The following THSD7B variants were observed in gnomAD, a reference collection of about 807,000 sequenced individuals.
THSD7B encodes thrombospondin type-1 domain-containing protein 7B.
Under a neutral mutation model 213.6 loss-of-function variants are expected in THSD7B, and 138 were observed. The observed-to-expected ratio is 0.65, with a 90% CI of 0.56 to 0.74. The LOEUF (loss-of-function observed/expected upper bound fraction) is 0.74. Among genes scored for constraint, THSD7B ranks in the 30% least tolerant of loss-of-function variants. The pLI, the probability that THSD7B is intolerant of heterozygous loss-of-function variation, is 0.00. For missense variants in THSD7B, 1,931 were observed against 1,991.5 expected, an observed-to-expected ratio of 0.97 and a Z score of 0.58; for synonymous variants, 742 against 687.0, an observed-to-expected ratio of 1.08 and a Z score of -1.25.
At chr2:137,287,250 AT>A (rs920192041) in intron 12 of THSD7B, among the ~76,000 whole-genome samples, 24 of 152,270 alleles carry the variant, frequency 1.6e-4, no homozygotes, top group African/African-American at 5.5e-4. Context: ...AAATATTATG[AT>A]TTTTAAGTGG....
At chr2:137,649,654 T>A (rs935758850) in intron 21 of THSD7B, among the ~76,000 whole-genome samples, 2 of 152,234 alleles carry the variant, frequency 1.3e-5, no homozygotes, top group Admixed American at 1.3e-4. Flanking sequence ...CTGAGTTTTT[T>A]ATTTTGTTTC....
intron 12 of THSD7B, among the ~76,000 whole-genome samples, chr2:137,318,127 A>T (rs775718215): frequency 1.1e-4 from 17 of 152,210 alleles, no homozygotes; most frequent in Non-Finnish European, 2.4e-4. Flanking sequence ...AGAGGGACCT[A>T]CTTTCGCACA....
chr2:136,774,968 G>A (rs531837672), intron 1 of THSD7B, among the ~76,000 whole-genome samples: 1 of 151,102 alleles, frequency 6.6e-6, no homozygotes, highest in East Asian at 1.9e-4. Flanking sequence ...AGTATTTATT[G>A]TGCACCTGCT....
At chr2:137,135,754 C>T (rs1679442473) in intron 5 of THSD7B, among the ~76,000 whole-genome samples, 1 of 152,016 alleles carries the variant, frequency 6.6e-6, no homozygotes, top group African/African-American at 2.4e-5. Flanking sequence ...AACATAGTCT[C>T]TAAATACAGC....
chr2:137,587,554 A>C (rs1019789858), intron 17 of THSD7B, among the ~76,000 whole-genome samples: 1 of 152,202 alleles, frequency 6.6e-6, no homozygotes, highest in Non-Finnish European at 1.5e-5. Context: ...TCCTTCTAAC[A>C]TTCAGGATCC....
chr2:137,331,223 C>T (rs1166687243), intron 12 of THSD7B, among the ~76,000 whole-genome samples: 1 of 151,506 alleles, frequency 6.6e-6, no homozygotes, highest in Admixed American at 6.6e-5. Flanking sequence ...CAGAGCTAGA[C>T]ATAAAGGTAC....
chr2:137,415,150 C>A (rs1573612608), intron 14 of THSD7B, among the ~76,000 whole-genome samples: 1 of 152,148 alleles, frequency 6.6e-6, no homozygotes, highest in East Asian at 1.9e-4. Context: ...GTGCTTCCCC[C>A]TTTTAAATCT....
rs59620213 is a variant in THSD7B, at chr2:137,575,725, C to CACACAT, written c.3423+3170_3423+3171insCACATA. ...TGTTTTTTCTTATTCCCATAACACA[C>CACACAT]ATATATATATATATATATTTTTACT... On this transcript the variant is annotated intron_variant, in intron 17 of 27. Transcript: ENST00000409968. 5.4e-5 allele frequency among the ~76,000 whole-genome samples: 6 copies of CACACAT among 110,806 alleles called. 1 individual carries two copies. The highest frequency in any genetic ancestry group is 1.0e-4 in the Admixed American group (1 of 9,908). 72.7% of individuals were successfully genotyped at this position (110,806 alleles called of 152,430 possible). A position where few individuals can be genotyped will look rare whatever the true frequency, so the allele number is the denominator to read the frequency against.
chr2:137,352,810 G>A (rs948634695), intron 12 of THSD7B, among the ~76,000 whole-genome samples: 4 of 152,054 alleles, frequency 2.6e-5, no homozygotes, highest in African/African-American at 9.6e-5. Flanking sequence ...GGAGAAAAAT[G>A]TATTGAGAAA....
intron 1 of THSD7B, among the ~76,000 whole-genome samples, chr2:136,854,258 A>G (rs1311211656): frequency 9.2e-6 from 1 of 108,432 alleles, no homozygotes; most frequent in Non-Finnish European, 1.8e-5. Context: ...ATACATCCAT[A>G]TCTGTTTCTA....
intron 12 of THSD7B, among the ~76,000 whole-genome samples, chr2:137,405,099 A>C (rs1686483379): frequency 6.6e-6 from 1 of 152,214 alleles, no homozygotes; most frequent in African/African-American, 2.4e-5. Flanking sequence ...CTGGTCCCTA[A>C]AAATTAATAA....
At chr2:137,421,790 T>G (rs1323805223) in intron 14 of THSD7B, among the ~76,000 whole-genome samples, 1 of 152,188 alleles carries the variant, frequency 6.6e-6, no homozygotes, top group African/African-American at 2.4e-5. Flanking sequence ...GGAGAGATTC[T>G]GTTTCCTGAG....
chr2:137,607,790 T>TCTGTTC (rs1682211759), intron 17 of THSD7B, among the ~76,000 whole-genome samples: 1 of 152,204 alleles, frequency 6.6e-6, no homozygotes, highest in African/African-American at 2.4e-5. Context: ...ACATCATTTA[T>TCTGTTC]CTGTTCCAAA....
chr2:137,519,688 G>T (rs962902097), intron 15 of THSD7B, among the ~76,000 whole-genome samples: 2 of 152,150 alleles, frequency 1.3e-5, no homozygotes, highest in Non-Finnish European at 2.9e-5. Context: ...ACAAGTCTGG[G>T]GCTGAGGCTT....
intron 12 of THSD7B, among the ~76,000 whole-genome samples, chr2:137,284,677 C>T (rs1218920286): frequency 2.0e-5 from 3 of 152,132 alleles, no homozygotes; most frequent in Non-Finnish European, 4.4e-5. Flanking sequence ...CATTCAGGAG[C>T]AGGTTGTTCA....
At chr2:136,829,444 G>A (rs1682714403) in intron 1 of THSD7B, among the ~76,000 whole-genome samples, 1 of 152,114 alleles carries the variant, frequency 6.6e-6, no homozygotes, top group African/African-American at 2.4e-5. Context: ...GGAGAGGACA[G>A]GCTTAAACTC....
chr2:137,426,250 T>C (rs547734422), intron 14 of THSD7B, among the ~76,000 whole-genome samples: 45 of 152,290 alleles, frequency 3.0e-4, no homozygotes, highest in Middle Eastern at 3.4e-3. Flanking sequence ...ATGTTTATAC[T>C]ATTCAAAATC....
At chr2:137,591,510 T>C (rs1463337205) in intron 17 of THSD7B, among the ~76,000 whole-genome samples, 1 of 151,978 alleles carries the variant, frequency 6.6e-6, no homozygotes, top group Non-Finnish European at 1.5e-5. Context: ...CTTTTTTACT[T>C]ATTAATTTCT....
At chr2:137,430,580 G>C (rs1187151364) in intron 14 of THSD7B, among the ~76,000 whole-genome samples, 1 of 152,204 alleles carries the variant, frequency 6.6e-6, no homozygotes, top group Non-Finnish European at 1.5e-5. Context: ...CAGGGACTCT[G>C]GCCCTAACTT....
Sources: allele counts gnomAD v4.1 joint callset (sites outside exome capture counted in the v4.1 genomes callset), GRCh38; gene constraint gnomAD v4.1.1; transcripts MANE v1.5; gene names NCBI Gene and HGNC (gene_info 2026-07-23, HGNC 2026-07-21).